ABCC5: variants seen among roughly 807,000 people sequenced by gnomAD.
The protein encoded by ABCC5 is ATP-binding cassette sub-family C member 5.
A neutral mutation model predicts 160.9 loss-of-function variants in ABCC5; 61 were observed. The observed-to-expected ratio is 0.38, with a 90% CI of 0.31 to 0.47. The LOEUF is 0.47. Among genes scored for constraint, ABCC5 ranks in the 20% least tolerant of loss-of-function variants. The pLI, the probability that ABCC5 is intolerant of heterozygous loss-of-function variation, is 0.99. For missense variants in ABCC5, 1,308 were observed against 1,813.3 expected, an observed-to-expected ratio of 0.72 and a Z score of 5.06; for synonymous variants, 666 against 700.6, an observed-to-expected ratio of 0.95 and a Z score of 0.78.
In ABCC5 at chr3:183,963,206, G is replaced by A. The variant is rs1461270876; in HGVS notation, c.2235+179C>T. Reference sequence around the variant, plus strand: ...TGCTCCAAGGATCTCTGATTTAGATGGCCATCTGTTACACTGGTACAGTGA... The same window carrying A: ...TGCTCCAAGGATCTCTGATTTAGATAGCCATCTGTTACACTGGTACAGTGA... On this transcript the variant is annotated intron_variant, in intron 15 of 29. Coordinates refer to ENST00000334444, the MANE Select transcript of ABCC5 (RefSeq NM_005688.4). The surrounding 1 kb of genome is among the most constrained non-coding windows in gnomAD (Gnocchi z 4.6). 2.6e-5 allele frequency among the ~76,000 whole-genome samples: 4 copies of A among 152,288 alleles called. No individual in the cohort carries two copies. Among genetic ancestry groups the A allele is most frequent in the Middle Eastern group, 3.4e-3 (1 of 294 alleles).
chr3:183,926,248 A>C (rs1231683306), intron 28 of ABCC5, among the ~76,000 whole-genome samples: 1 of 151,122 alleles, frequency 6.6e-6, no homozygotes, highest in Non-Finnish European at 1.5e-5. Flanking sequence ...CCAAAACAGC[A>C]TATTTGTAAA....
chr3:183,956,575 T>A (rs1273946266), intron 17 of ABCC5, among the ~76,000 whole-genome samples: 1 of 145,750 alleles, frequency 6.9e-6, no homozygotes, highest in African/African-American at 2.5e-5. Flanking sequence ...TCAGTGTGTA[T>A]ATCACATCGG....
At chr3:183,994,082 G>A (rs1441374977) in intron 2 of ABCC5, among the ~76,000 whole-genome samples, 4 of 150,898 alleles carry the variant, frequency 2.7e-5, no homozygotes, top group African/African-American at 9.8e-5. Flanking sequence ...ACTTGCCTCA[G>A]CCTCCCAAGT....
intron 25 of ABCC5, among the ~76,000 whole-genome samples, chr3:183,940,952 G>A (rs1002335003): frequency 6.6e-6 from 1 of 152,060 alleles, no homozygotes; most frequent in African/African-American, 2.4e-5. Context: ...TCCGCCTCCT[G>A]GGTTCAAGAG....
chr3:183,924,434 T>C (rs1178633997), intron 29 of ABCC5, among the ~76,000 whole-genome samples: 1 of 152,178 alleles, frequency 6.6e-6, no homozygotes, highest in Non-Finnish European at 1.5e-5. Flanking sequence ...TGAGAGATTA[T>C]ATGTAAAGCA....
Position 184,014,243 on chromosome 3 carries a change from C to G in ABCC5, c.129+21G>C, listed in dbSNP as rs752551472. On this transcript the variant is annotated intron_variant, in intron 2 of 29. Transcript: ENST00000334444. ...TTTAGTACAACAAGCAGGTAAGAGACTCTTAGGAAAGGAAACTGACCGGTC... is the reference window on the plus strand; with the variant it reads ...TTTAGTACAACAAGCAGGTAAGAGAGTCTTAGGAAAGGAAACTGACCGGTC... 19 of 1,607,464 alleles carry G rather than the reference C, an allele frequency of 1.2e-5. No individual in the cohort carries two copies. The South Asian group carries it at 2.0e-4, about 17-fold the overall frequency.
intron 2 of ABCC5, among the ~76,000 whole-genome samples, chr3:183,999,636 C>T (rs569829720): frequency 6.6e-6 from 1 of 151,986 alleles, no homozygotes; most frequent in South Asian, 2.1e-4. Flanking sequence ...TAAAACTAGC[C>T]GGGCATGGTG....
In ABCC5 at chr3:183,969,584, C is replaced by T. The variant is rs180778618; in HGVS notation, c.1762-1818G>A. Among the ~76,000 whole-genome samples, 69 of 150,580 alleles carry T rather than the reference C, an allele frequency of 4.6e-4. 1 individual carries two copies. The highest frequency in any genetic ancestry group is 1.6e-3 in the African/African-American group (66 of 40,712). ...GCACGTGCCTATAATCCCAGCTACT[C>T]GGGAGGCTGAGGCAGGAGAATCACT... On this transcript the variant is annotated intron_variant, in intron 11 of 29. Coordinates refer to ENST00000334444, the MANE Select transcript of ABCC5 (RefSeq NM_005688.4).
Position 183,988,838 on chromosome 3 carries a change from C to A in ABCC5, c.288-111G>T. The A allele has an allele frequency of 7.9e-7, 1 of 1,265,670 alleles. No homozygotes were observed. Among genetic ancestry groups the A allele is most frequent in the Non-Finnish European group, 1.1e-6 (1 of 928,610 alleles). 78.4% of individuals were successfully genotyped at this position (1,265,670 alleles called of 1,614,324 possible). On this transcript the variant is annotated intron_variant, in intron 3 of 29. Coordinates refer to ENST00000334444, the MANE Select transcript of ABCC5 (RefSeq NM_005688.4). This position sits in a 1 kb window ranked among gnomAD's most constrained non-coding sequence, Gnocchi z 4.4. ...AGCTCTTAGCTAAAGACCAGTCTCC[C>A]CAGATGATCTAATCTTAGCCTGAAT... is the stretch of plus-strand genomic sequence containing the variant.
At chr3:183,994,722 G>T (rs1421444591) in intron 2 of ABCC5, among the ~76,000 whole-genome samples, 5 of 152,078 alleles carry the variant, frequency 3.3e-5, no homozygotes, top group African/African-American at 1.2e-4. Flanking sequence ...GTGTGGTATG[G>T]TATCTTATTG....
intron 2 of ABCC5, among the ~76,000 whole-genome samples, chr3:183,989,678 C>T (rs1719568878): frequency 1.3e-5 from 2 of 151,858 alleles, no homozygotes; most frequent in African/African-American, 2.4e-5. Context: ...GTACCTCTCC[C>T]GTCCTCCTCA....
At chr3:183,992,524 G>A (rs1049931852) in intron 2 of ABCC5, among the ~76,000 whole-genome samples, 3 of 152,116 alleles carry the variant, frequency 2.0e-5, no homozygotes, top group Non-Finnish European at 4.4e-5. Context: ...AAGCATATAC[G>A]CCTGTAATCC....
Position 183,971,556 on chromosome 3 carries a change from C to T in ABCC5, c.1761+7G>A, listed in dbSNP as rs1426003803. The T allele has an allele frequency of 6.2e-7, 1 of 1,611,788 alleles. No homozygotes were observed. Among genetic ancestry groups the T allele is most frequent in the South Asian group, 1.1e-5 (1 of 90,714 alleles). On this transcript the variant is annotated splice_region_variant and intron_variant, in intron 11 of 29. Transcript: ENST00000334444. ...GCGGGCAGGGAGGCAGGGGGCGGACCACTTACCTCTTGGATCTCCAGATCG... is the reference window on the plus strand; with the variant it reads ...GCGGGCAGGGAGGCAGGGGGCGGACTACTTACCTCTTGGATCTCCAGATCG...
intron 2 of ABCC5, chr3:184,006,406 C>A (rs950653362): frequency 2.0e-5 from 3 of 151,964 alleles, no homozygotes; most frequent in South Asian, 4.1e-4. Flanking sequence ...TGCAGAGCTG[C>A]AAAATGCTAA....
At chr3:183,944,165 G>C (rs1714621862) in intron 24 of ABCC5, among the ~76,000 whole-genome samples, 1 of 152,158 alleles carries the variant, frequency 6.6e-6, no homozygotes, top group Non-Finnish European at 1.5e-5. Context: ...GGTGGAGGCA[G>C]AGGCAGATCG....
intron 29 of ABCC5, among the ~76,000 whole-genome samples, chr3:183,923,151 T>TGG (rs1030434469): frequency 3.3e-5 from 5 of 151,118 alleles, no homozygotes; most frequent in African/African-American, 1.2e-4. Flanking sequence ...TATGCTTTTC[T>TGG]GGTGTGTGTG....
chr3:183,998,536 A>G (rs1304438019), intron 2 of ABCC5, among the ~76,000 whole-genome samples: 2 of 152,222 alleles, frequency 1.3e-5, no homozygotes, highest in African/African-American at 4.8e-5. Context: ...TTTAATCCTC[A>G]TAACAACCCT....
intron 22 of ABCC5, among the ~76,000 whole-genome samples, chr3:183,948,591 T>A (rs1246679538): frequency 6.6e-6 from 1 of 152,164 alleles, no homozygotes; most frequent in Non-Finnish European, 1.5e-5. Flanking sequence ...TACCAAAGGT[T>A]TACCATGAAA....
chr3:184,006,316 A>T (rs1051116145), intron 2 of ABCC5: 1 of 152,116 alleles, frequency 6.6e-6, no homozygotes, highest in Non-Finnish European at 1.5e-5. Flanking sequence ...AAAAAAAAAA[A>T]AAAGGCAGGT....
Sources: gnomAD v4.1 joint callset for allele counts (sites outside exome capture counted in the v4.1 genomes callset) on GRCh38, gnomAD v4.1.1 for gene constraint, Gnocchi (gnomAD v3.1) non-coding constraint, MANE v1.5 for transcripts, NCBI Gene and HGNC (gene_info 2026-07-23, HGNC 2026-07-21) for gene names.